The following MROH7 variants were observed in gnomAD, a reference collection of about 807,000 sequenced individuals.
The protein encoded by MROH7 is maestro heat like repeat family member 7, also known as maestro heat-like repeat-containing protein family member 7.
A neutral mutation model predicts 129.2 loss-of-function variants in MROH7; 113 were observed. That is an observed-to-expected ratio of 0.87 (90% CI 0.75 to 1.02). MROH7 has a LOEUF of 1.02. Ranked by LOEUF, MROH7 falls within the 50% of genes least tolerant of loss-of-function variation. The pLI, the probability that MROH7 is intolerant of heterozygous loss-of-function variation, is 0.00. For missense variants in MROH7, 1,601 were observed against 1,671.3 expected (o/e 0.96, Z 0.73); for synonymous variants, 655 against 667.9 (o/e 0.98, Z 0.30).
intron 12 of MROH7, 71 bp from the exon 13 acceptor site, chr1:54,679,820 C>T (rs1645040442): frequency 6.8e-7 from 1 of 1,476,132 alleles, no homozygotes; most frequent in East Asian, 2.3e-5. Context: ...TCCCTCTCCT[C>T]CCACCTTCCT....
rs749625195 is a variant in MROH7, at chr1:54,686,344, G to A, written c.2607G>A (p.Leu869=). Residue 869 remains leucine (L), a synonymous_variant, in exon 15 of 24, where the codon CTG becomes CTA. Coordinates refer to ENST00000421030, the MANE Select transcript of MROH7 (RefSeq NM_001039464.4). ...RRIYPQLLLA[L]LIQVHYHIGL... is the part of the protein sequence containing the mutation. ...TCTACCCTCAGCTGCTCCTGGCCCT[G>A]CTCATTCAGGTCCATTACCACATCG... 1.9e-6 allele frequency: 3 copies of A among 1,614,186 alleles called. No homozygotes were observed. Among genetic ancestry groups the A allele is most frequent in the Non-Finnish European group, 1.7e-6 (2 of 1,180,040 alleles).
intron 13 of MROH7, among the ~76,000 whole-genome samples, chr1:54,681,283 G>A (rs1373371950): frequency 1.3e-5 from 2 of 152,172 alleles, no homozygotes; most frequent in African/African-American, 2.4e-5. Flanking sequence ...CAGGTGTGAC[G>A]AAAGGAGACC....
At chr1:54,670,741 G>C in intron 6 of MROH7, 59 bp from the exon 7 acceptor site, 3 of 1,347,156 alleles carry the variant, frequency 2.2e-6, no homozygotes, top group Non-Finnish European at 2.9e-6. Flanking sequence ...CTCAGCCCCC[G>C]TCTATAGCCA....
chr1:54,705,306 A>G (rs1463686867), intron 21 of MROH7, among the ~76,000 whole-genome samples: 1 of 152,166 alleles, frequency 6.6e-6, no homozygotes, highest in Admixed American at 6.5e-5. Flanking sequence ...TCATTTGTTC[A>G]TTCATTCATC....
At chr1:54,662,173 T>C (rs1392485691) in intron 3 of MROH7, among the ~76,000 whole-genome samples, 1 of 152,094 alleles carries the variant, frequency 6.6e-6, no homozygotes, top group East Asian at 1.9e-4. Flanking sequence ...TCAGCCATGA[T>C]TGCACCACTG....
intron 13 of MROH7, among the ~76,000 whole-genome samples, chr1:54,680,318 C>T (rs1003937845): frequency 1.3e-5 from 2 of 152,230 alleles, no homozygotes; most frequent in African/African-American, 4.8e-5. Flanking sequence ...TAGGTACTCA[C>T]TGAGCAAGCA....
intron 8 of MROH7, 91 bp downstream of exon 8, chr1:54,673,277 A>G: frequency 1.0e-6 from 1 of 959,718 alleles, no homozygotes; most frequent in Non-Finnish European, 1.6e-6. Context: ...CAGACCTAGG[A>G]GTGATTTGGC....
intron 3 of MROH7, among the ~76,000 whole-genome samples, chr1:54,655,146 C>T (rs1644623810): frequency 6.6e-6 from 1 of 151,384 alleles, no homozygotes; most frequent in African/African-American, 2.4e-5. Context: ...TCTTGAGTAG[C>T]AGGGATTACA....
At chr1:54,674,980 T>C in intron 10 of MROH7, among the ~76,000 whole-genome samples, 1 of 151,364 alleles carries the variant, frequency 6.6e-6, no homozygotes, top group Non-Finnish European at 1.5e-5. Context: ...AATTCATAAT[T>C]CATGCTTTTT....
intron 1 of MROH7, among the ~76,000 whole-genome samples, chr1:54,645,565 G>A (rs1010332775): frequency 5.9e-5 from 9 of 151,794 alleles, no homozygotes; most frequent in African/African-American, 2.2e-4. Context: ...ACAGGTGTGA[G>A]CCACCGTGTT....
intron 16 of MROH7, among the ~76,000 whole-genome samples, chr1:54,694,501 C>T (rs1433538262): frequency 6.6e-6 from 1 of 152,104 alleles, no homozygotes; most frequent in Non-Finnish European, 1.5e-5. Context: ...GAGTCTCACT[C>T]TGTTGCCCAG....
chr1:54,682,537 G>C, intron 13 of MROH7, 119 bp from the exon 14 acceptor site: 1 of 927,578 alleles, frequency 1.1e-6, no homozygotes, highest in East Asian at 2.5e-5. Flanking sequence ...TTCCTTGCAG[G>C]TGTGCCCATG....
At chr1:54,701,444 G>A (rs1645435042) in intron 19 of MROH7, 122 bp downstream of exon 19, 2 of 782,390 alleles carry the variant, frequency 2.6e-6, no homozygotes, top group Non-Finnish European at 3.8e-6. Context: ...CAGCCTACTG[G>A]GAGAGGAACT....
chr1:54,665,962 C>T (rs1644807026), intron 4 of MROH7, among the ~76,000 whole-genome samples: 4 of 152,246 alleles, frequency 2.6e-5, no homozygotes, highest in East Asian at 1.9e-4. Flanking sequence ...ATCCTCATCC[C>T]ATGGCGTCCT....
intron 14 of MROH7, among the ~76,000 whole-genome samples, chr1:54,684,839 G>A (rs911467958): frequency 1.3e-5 from 2 of 152,208 alleles, no homozygotes; most frequent in African/African-American, 2.4e-5. Flanking sequence ...TGAGAAAGGG[G>A]AGATAGTGTA....
Position 54,670,584 on chromosome 1 carries a change from T to C in MROH7, c.1469+8T>C. On this transcript the variant is annotated splice_region_variant and intron_variant, in intron 6 of 23. Transcript: ENST00000421030. ...GATCCTGACCCAGCTGAGGTGTCCA[T>C]GGCCCTCTCCCTGTTCCCACAGCCC... 6.2e-7 allele frequency: 1 copy of C among 1,610,094 alleles called. No homozygotes were observed. Among genetic ancestry groups the C allele is most frequent in the Non-Finnish European group, 8.5e-7 (1 of 1,178,080 alleles).
chr1:54,654,220 T>G, intron 3 of MROH7, 63 bp downstream of exon 3: 2 of 1,453,946 alleles, frequency 1.4e-6, no homozygotes, highest in Non-Finnish European at 1.8e-6. Context: ...CTTCAGACTC[T>G]TAGGGCAGGG....
chr1:54,710,050 C>G lies in MROH7; in HGVS notation c.3835C>G (p.His1279Asp). 1 of 1,614,100 alleles carries G rather than the reference C, an allele frequency of 6.2e-7. No individual in the cohort carries two copies. The highest frequency in any genetic ancestry group is 8.5e-7 in the Non-Finnish European group (1 of 1,180,032). Reference sequence around the variant, plus strand: ...CTGCTGGCAGAACTCCTGGCTGCCGCACGGGAACTCATGGGTGTGTTACTC... The same window carrying G: ...CTGCTGGCAGAACTCCTGGCTGCCGGACGGGAACTCATGGGTGTGTTACTC... ...ASCWQNSWLPHGNSWVCYSAT... is the reference protein window; with the variant it reads ...ASCWQNSWLPDGNSWVCYSAT... Residue 1279 changes from histidine (H) to aspartate (D), a missense_variant, in exon 24 of 24, where the codon CAC becomes GAC. His to Asp is a moderately conservative substitution (Grantham distance 81, BLOSUM62 -1). Transcript: ENST00000421030.
At chr1:54,670,474 C>T in intron 5 of MROH7, 23 bp from the exon 6 acceptor site, 18 of 1,610,276 alleles carry the variant, frequency 1.1e-5, no homozygotes, top group Non-Finnish European at 1.3e-5. Context: ...TCCTCATCGG[C>T]CCTTCTGTGG....
Sources: gnomAD v4.1 joint callset for allele counts (sites outside exome capture counted in the v4.1 genomes callset) on GRCh38, gnomAD v4.1.1 for gene constraint, MANE v1.5 for transcripts, NCBI Gene and HGNC (gene_info 2026-07-23, HGNC 2026-07-21) for gene names.